KRIT1: variants seen among roughly 807,000 people sequenced by gnomAD.
KRIT1 encodes the protein KRIT1 ankyrin repeat containing, also known as krev interaction trapped protein 1.
Under a neutral mutation model 95.8 loss-of-function variants are expected in KRIT1, and 45 were observed. That is an observed-to-expected ratio of 0.47 (90% CI 0.37 to 0.60). KRIT1 has a LOEUF of 0.60. KRIT1 is among the 20% of genes least tolerant of loss of function. KRIT1 has a pLI of 0.00. For synonymous variants in KRIT1, 282 were observed against 278.8 expected, an observed-to-expected ratio of 1.01 and a Z score of -0.11; for missense variants, 788 against 877.5, an observed-to-expected ratio of 0.90 and a Z score of 1.29.
intron 6 of KRIT1, 42 bp from the exon 7 acceptor site, chr7:92,236,584 T>C (rs1398603363): frequency 4.0e-6 from 5 of 1,239,180 alleles, no homozygotes; most frequent in Non-Finnish European, 4.7e-6. Context: ...ATATAAAAGG[T>C]TTACATCTGC....
chr7:92,234,787 G>A (rs375060119), intron 9 of KRIT1, 21 bp downstream of exon 9: 22 of 1,321,116 alleles, frequency 1.7e-5, no homozygotes, highest in Admixed American at 1.7e-5. Context: ...AAAGCAATGT[G>A]GAGTAAAACC....
chr7:92,241,175 A>G, intron 4 of KRIT1, 23 bp from the exon 5 acceptor site: 2 of 1,559,254 alleles, frequency 1.3e-6, no homozygotes, highest in Non-Finnish European at 1.8e-6. Flanking sequence ...AAACATTAAG[A>G]GAAAGCTTAA....
At chr7:92,218,314 C>A (rs986005236) in intron 14 of KRIT1, among the ~76,000 whole-genome samples, 11 of 151,636 alleles carry the variant, frequency 7.3e-5, no homozygotes, top group African/African-American at 2.4e-4. Context: ...AATTCCTGGC[C>A]TCAAGTGAGC....
chr7:92,236,573 C>T, intron 6 of KRIT1, 31 bp from the exon 7 acceptor site: 1 of 1,416,194 alleles, frequency 7.1e-7, no homozygotes, highest in Admixed American at 1.7e-5. Flanking sequence ...ATTATGCTAC[C>T]ATATAAAAGG....
rs766038368 is a variant in KRIT1 at position 92,237,700 on chromosome 7, C to T, written c.322G>A (p.Ala108Thr). The T allele has an allele frequency of 3.7e-6, 6 of 1,606,596 alleles. No homozygotes were observed. The highest frequency in any genetic ancestry group is 5.1e-6 in the Non-Finnish European group (6 of 1,173,410). The change falls in exon 6 of 19, where the codon GCA becomes ACA. Residue 108 changes from alanine (A) to threonine (T), a missense_variant. Coordinates refer to ENST00000394505, the MANE Select transcript of KRIT1 (RefSeq NM_194454.3). ...ACTGATGGAACAATAAATAATGATG[C>T]TTCTCTGCCCATCTTCTCTCCATCC... ...PLDGEKMGRE[A>T]SLFIVPSVVK... is the part of the protein sequence containing the mutation.
At chr7:92,223,273 CAAA>C (rs568078150) in intron 12 of KRIT1, among the ~76,000 whole-genome samples, 30 of 42,102 alleles carry the variant, frequency 7.1e-4, no homozygotes, top group African/African-American at 2.1e-3. Context: ...ACTAAAAATA[CAAA>C]AAAAAAAAAA....
intron 12 of KRIT1, among the ~76,000 whole-genome samples, chr7:92,223,668 GA>G (rs1178607222): frequency 6.6e-6 from 1 of 152,004 alleles, no homozygotes; most frequent in Non-Finnish European, 1.5e-5. Context: ...AGTACTTCAC[GA>G]GTCTAGTGGG....
Position 92,236,479 on chromosome 7 carries a change from C to G in KRIT1, c.419G>C (p.Arg140Pro). 1 of 1,590,386 alleles carries G rather than the reference C, an allele frequency of 6.3e-7. No individual in the cohort carries two copies. ...PIFYCLQDIM[R>P]VCSESSTHFA... ...ATGAGTACTGGATTCACTACAGACT[C>G]GCATAATATCTTGTAAGCAGTAAAA... Residue 140 changes from arginine to proline, a missense_variant, in exon 7 of 19, where the codon CGA (arginine) becomes CCA (proline). Transcript: ENST00000394505.
At chr7:92,216,813 A>AACTG (rs773163359) in intron 14 of KRIT1, among the ~76,000 whole-genome samples, 35 of 152,202 alleles carry the variant, frequency 2.3e-4, no homozygotes, top group Non-Finnish European at 4.6e-4. Flanking sequence ...TTCTAATAAA[A>AACTG]ACTGACATCG....
At position 92,235,583 on chromosome 7, in the gene KRIT1, A is replaced by C. The variant is rs759916474; in HGVS notation, c.549T>G (p.Leu183=). ...FIPALFRPSP[L]ERIKTNVINP... ...TTATGACATTAGTTTTTATCCGCTC[A>C]AGAGGAGAAGGTCGGAATAAAGCTG... The change falls in exon 8 of 19, where the codon CTT becomes CTG. Residue 183 remains leucine, a synonymous_variant. Transcript: ENST00000394505. The C allele has an allele frequency of 2.0e-4, 321 of 1,613,810 alleles. 1 individual carries two copies. Among genetic ancestry groups the C allele is most frequent in the Non-Finnish European group, 2.6e-4 (312 of 1,179,876 alleles).
At chr7:92,245,926 C>T, upstream of KRIT1, 1 of 234,696 alleles carries the variant, frequency 4.3e-6, no homozygotes, top group Non-Finnish European at 8.4e-6. Flanking sequence ...AAATCGCTTC[C>T]GGGTTCACAC....
chr7:92,241,290 C>T, intron 4 of KRIT1, 138 bp from the exon 5 acceptor site: 2 of 689,072 alleles, frequency 2.9e-6, no homozygotes, highest in Non-Finnish European at 5.0e-6. Context: ...TAGCAATGCC[C>T]AGCCCCATCC....
chr7:92,222,834 A>C lies in KRIT1; in HGVS notation c.1399T>G (p.Ser467Ala), dbSNP rs371978982. 8 of 1,605,672 alleles carry C rather than the reference A, an allele frequency of 5.0e-6. No homozygotes were observed. Among genetic ancestry groups the C allele is most frequent in the Non-Finnish European group, 6.0e-6 (7 of 1,172,630 alleles). Residue 467 changes from serine (S) to alanine (A), a missense_variant, in exon 13 of 19, where the codon TCA becomes GCA. Coordinates refer to ENST00000394505, the MANE Select transcript of KRIT1 (RefSeq NM_194454.3). ...TQQYFTIWIC[S>A]ENLSLQLKPY... ...AAAACTTTCTTACTGAGGTTTTCTG[A>C]ACAAATCCATATAGTGAAATATTGC... is the stretch of plus-strand genomic sequence containing the variant.
At chr7:92,230,680 T>C (rs1197613135) in intron 10 of KRIT1, among the ~76,000 whole-genome samples, 1 of 151,900 alleles carries the variant, frequency 6.6e-6, no homozygotes, top group African/African-American at 2.4e-5. Flanking sequence ...AAGAAGAAAG[T>C]AGGTGTGGAA....
In KRIT1 at chr7:92,227,810, G is replaced by A. The variant is rs979302453; in HGVS notation, c.990-1128C>T. 3.9e-5 allele frequency among the ~76,000 whole-genome samples: 6 copies of A among 152,078 alleles called. No individual in the cohort carries two copies. The East Asian group carries it at 7.8e-4, about 20-fold the overall frequency. On this transcript the variant is annotated intron_variant, in intron 10 of 18. Transcript: ENST00000394505. ...GGGTGGATCACAAGGTCAGGAGTTC[G>A]AGACCAGCCTGGCCAACATGGTGAA...
intron 14 of KRIT1, among the ~76,000 whole-genome samples, chr7:92,220,048 T>C (rs897163216): frequency 3.2e-4 from 49 of 152,316 alleles, no homozygotes; most frequent in African/African-American, 1.1e-3. Flanking sequence ...ATACGTCATT[T>C]GCCAAAAACT....
At chr7:92,227,500 G>A (rs917584958) in intron 10 of KRIT1, among the ~76,000 whole-genome samples, 5 of 152,084 alleles carry the variant, frequency 3.3e-5, no homozygotes, top group Admixed American at 2.0e-4. Flanking sequence ...AGTCTAGATG[G>A]TCCTGTAAAG....
At chr7:92,235,353 T>G (rs765447491) in intron 8 of KRIT1, 50 bp downstream of exon 8, 1 of 1,584,652 alleles carries the variant, frequency 6.3e-7, no homozygotes, top group East Asian at 2.2e-5. Context: ...AAAATTACAC[T>G]TGAGATAAAA....
intron 11 of KRIT1, 62 bp downstream of exon 11, chr7:92,226,464 A>T: frequency 1.7e-6 from 2 of 1,192,030 alleles, no homozygotes; most frequent in Non-Finnish European, 2.5e-6. Flanking sequence ...TTAACATTTT[A>T]GTGTCATTAC....
Sources: gnomAD v4.1 joint callset for allele counts (sites outside exome capture counted in the v4.1 genomes callset) on GRCh38, gnomAD v4.1.1 for gene constraint, MANE v1.5 for transcripts, NCBI Gene and HGNC (gene_info 2026-07-23, HGNC 2026-07-21) for gene names.